Variants in GPC6 observed in about 807,000 individuals in gnomAD.
GPC6 encodes the protein glypican-6.
GPC6 carries 14 observed loss-of-function variants against 55.2 expected under a neutral mutation model. That is an observed-to-expected ratio of 0.25 (90% confidence interval 0.17 to 0.40). GPC6 has a LOEUF of 0.40. Among genes scored for constraint, GPC6 ranks in the 10% least tolerant of loss-of-function variants. The pLI is 1.00. For missense variants in GPC6, 641 were observed against 708.5 expected (o/e 0.90, Z 1.08); for synonymous variants, 278 against 259.6 (o/e 1.07, Z -0.68).
intron 3 of GPC6, among the ~76,000 whole-genome samples, chr13:94,000,773 A>G (rs1389621039): frequency 6.6e-6 from 1 of 152,210 alleles, no homozygotes; most frequent in African/African-American, 2.4e-5. Flanking sequence ...AATTTGCCAA[A>G]CAGTTTTACA....
At chr13:94,135,729 G>A (rs999553755) in intron 4 of GPC6, among the ~76,000 whole-genome samples, 5 of 152,198 alleles carry the variant, frequency 3.3e-5, no homozygotes, top group African/African-American at 1.2e-4. Context: ...GAATTAGCAA[G>A]AATCAATAAA....
In GPC6 at chr13:94,059,223, T is replaced by C. The variant is rs193146934; in HGVS notation, c.877+31329T>C. On this transcript the variant is annotated intron_variant, in intron 4 of 8. Transcript: ENST00000377047. ...ATCCAGGAAAGCATTTTTCTTTTTT[T>C]TTTTTTCAGTAATCAGACGCTGTTA... 4.5e-4 allele frequency among the ~76,000 whole-genome samples: 69 copies of C among 152,262 alleles called. No individual in the cohort carries two copies. The East Asian group carries it at 7.7e-3, about 17-fold the overall frequency.
At chr13:94,233,554 C>G (rs1350409370) in intron 4 of GPC6, among the ~76,000 whole-genome samples, 2 of 152,144 alleles carry the variant, frequency 1.3e-5, no homozygotes, top group African/African-American at 4.8e-5. Flanking sequence ...GCAGTGAAAT[C>G]TGGCACCATC....
intron 1 of GPC6, among the ~76,000 whole-genome samples, chr13:93,394,041 G>A (rs1875752301): frequency 6.6e-6 from 1 of 152,118 alleles, no homozygotes; most frequent in Non-Finnish European, 1.5e-5. Flanking sequence ...ATGCTGTTTA[G>A]TCATGTTCTC....
intron 2 of GPC6, among the ~76,000 whole-genome samples, chr13:93,636,828 C>T (rs554704672): frequency 1.3e-5 from 2 of 152,172 alleles, no homozygotes; most frequent in South Asian, 2.1e-4. Flanking sequence ...TTTGTTACTG[C>T]AGCAAAGCTG....
intron 3 of GPC6, among the ~76,000 whole-genome samples, chr13:94,004,051 C>T (rs1167748069): frequency 6.6e-6 from 1 of 152,146 alleles, no homozygotes; most frequent in Non-Finnish European, 1.5e-5. Context: ...TCACCTTCTT[C>T]CATGTAACTT....
chr13:94,205,099 GT>G (rs1889863777), intron 4 of GPC6, among the ~76,000 whole-genome samples: 2 of 152,152 alleles, frequency 1.3e-5, no homozygotes, highest in South Asian at 4.1e-4. Flanking sequence ...ATTTTATCGT[GT>G]GCCAAAAGCA....
At chr13:94,035,833 ACCT>A (rs2138732153) in intron 4 of GPC6, among the ~76,000 whole-genome samples, 1 of 151,010 alleles carries the variant, frequency 6.6e-6, no homozygotes, top group Non-Finnish European at 1.5e-5. Context: ...TTGCTCTGAA[ACCT>A]CCTTTAATTC....
Position 93,227,592 on chromosome 13 carries a change from G to A in GPC6, c.136G>A (p.Asp46Asn). Residue 46 changes from aspartate (D) to asparagine (N), a missense_variant, in exon 1 of 9, where the codon GAC becomes AAC. Asp to Asn is a conservative substitution (Grantham distance 23). Transcript: ENST00000377047. This position sits in a 1 kb window ranked among gnomAD's most constrained non-coding sequence, Gnocchi z 4.3. The stretch of plus-strand genomic sequence containing the variant: ...CGGTGCCAAGGGATTCAGCCTGGCG[G>A]ACATCCCCTACCAGGAGATCGCAGG... ...AYGAKGFSLADIPYQEIAGEH... is the reference protein window; with the variant it reads ...AYGAKGFSLANIPYQEIAGEH... 1.2e-6 allele frequency: 2 copies of A among 1,608,768 alleles called. No individual in the cohort carries two copies. The highest frequency in any genetic ancestry group is 1.7e-6 in the Non-Finnish European group (2 of 1,178,608).
chr13:94,200,121 A>G (rs962546003), intron 4 of GPC6, among the ~76,000 whole-genome samples: 7 of 148,796 alleles, frequency 4.7e-5, no homozygotes, highest in Admixed American at 1.4e-4. Flanking sequence ...GCACCATTAC[A>G]CTCCAGCCTG....
intron 1 of GPC6, among the ~76,000 whole-genome samples, 175 bp from the exon 2 acceptor site, chr13:93,545,087 GT>G (rs1225320342): frequency 2.2e-4 from 34 of 152,184 alleles, no homozygotes; most frequent in African/African-American, 7.2e-4. Context: ...AAGTCAACAT[GT>G]TTGGAATGTT....
rs182097266 is a variant in GPC6 at position 93,573,246 on chromosome 13, T to C, written c.319+27825T>C. On this transcript the variant is annotated intron_variant, in intron 2 of 8. Coordinates refer to ENST00000377047, the MANE Select transcript of GPC6 (RefSeq NM_005708.5). ...GGTAAATTATAATATACATTAGAAA[T>C]TGATAGCATTATGGAATAAATATTT... Among the ~76,000 whole-genome samples, 303 of 152,088 alleles carry C rather than the reference T, an allele frequency of 2.0e-3. 2 individuals are homozygous for C. Among genetic ancestry groups the C allele is most frequent in the African/African-American group, 6.7e-3 (279 of 41,504 alleles).
At chr13:93,485,843 G>A (rs1293234420) in intron 1 of GPC6, among the ~76,000 whole-genome samples, 2 of 152,100 alleles carry the variant, frequency 1.3e-5, no homozygotes, top group Admixed American at 6.6e-5. Context: ...GGTAATGATG[G>A]GGTATATGAT....
At chr13:93,388,494 C>A (rs1162227067) in intron 1 of GPC6, among the ~76,000 whole-genome samples, 1 of 152,160 alleles carries the variant, frequency 6.6e-6, no homozygotes, top group African/African-American at 2.4e-5. Context: ...TATCATTCAC[C>A]TTCAACTAAG....
intron 6 of GPC6, among the ~76,000 whole-genome samples, chr13:94,322,361 A>C (rs1369392633): frequency 6.6e-6 from 1 of 152,178 alleles, no homozygotes; most frequent in East Asian, 1.9e-4. Context: ...TCTTAGCAGC[A>C]GTGTGAAAGC....
At chr13:93,564,926 T>C (rs1876013556) in intron 2 of GPC6, among the ~76,000 whole-genome samples, 1 of 152,344 alleles carries the variant, frequency 6.6e-6, no homozygotes, top group African/African-American at 2.4e-5. Context: ...TATCCTTTTC[T>C]GTGCCGTTTC....
chr13:94,353,260 G>A (rs1878639080), intron 6 of GPC6, among the ~76,000 whole-genome samples: 1 of 152,134 alleles, frequency 6.6e-6, no homozygotes, highest in Admixed American at 6.5e-5. Context: ...CCACCGACAA[G>A]CAAAAATGAG....
At chr13:93,340,319 C>A (rs931650793) in intron 1 of GPC6, among the ~76,000 whole-genome samples, 1 of 152,048 alleles carries the variant, frequency 6.6e-6, no homozygotes, top group African/African-American at 2.4e-5. Context: ...TAGGCGTGAG[C>A]CACCGTGCCC....
chr13:93,254,829 T>C (rs79632452), intron 1 of GPC6, among the ~76,000 whole-genome samples: 1,640 of 152,158 alleles, frequency 0.011, 12 homozygotes, highest in Non-Finnish European at 0.018. Context: ...GTAGCAGCTG[T>C]AAAAAAAGCA....
Sources: gnomAD v4.1 joint callset for allele counts (sites outside exome capture counted in the v4.1 genomes callset) on GRCh38, gnomAD v4.1.1 for gene constraint, Gnocchi (gnomAD v3.1) non-coding constraint, MANE v1.5 for transcripts, NCBI Gene and HGNC (gene_info 2026-07-23, HGNC 2026-07-21) for gene names.